Variants in KIF26B observed in about 807,000 individuals in gnomAD.
KIF26B encodes kinesin family member 26B.
Under a neutral mutation model 151.2 loss-of-function variants are expected in KIF26B, and 63 were observed. The ratio of observed to expected loss-of-function variants is 0.42; its 90% confidence interval spans 0.34 to 0.51. The LOEUF is 0.51. KIF26B is among the 20% of genes least tolerant of loss of function. The pLI, the probability that KIF26B is intolerant of heterozygous loss-of-function variation, is 0.07. For synonymous variants in KIF26B, 1,357 were observed against 1,262.1 expected, an observed-to-expected ratio of 1.08 and a Z score of -1.59; for missense variants, 2,813 against 2,913.6, an observed-to-expected ratio of 0.97 and a Z score of 0.79.
intron 5 of KIF26B, among the ~76,000 whole-genome samples, chr1:245,550,552 C>T (rs1302921301): frequency 6.6e-6 from 1 of 152,242 alleles, no homozygotes. Context: ...CCCTGAAAAC[C>T]CACCGGCGCA....
intron 5 of KIF26B, among the ~76,000 whole-genome samples, chr1:245,551,937 C>G (rs1346536947): frequency 2.0e-5 from 3 of 152,146 alleles, no homozygotes; most frequent in Non-Finnish European, 1.5e-5. Context: ...GATGACTGAT[C>G]TGCGTAATTC....
At position 245,273,413 on chromosome 1, in the gene KIF26B, T is replaced by C. The variant is rs560425393; in HGVS notation, c.466-93421T>C. On this transcript the variant is annotated intron_variant, in intron 2 of 14. Coordinates refer to ENST00000407071, the MANE Select transcript of KIF26B (RefSeq NM_018012.4). ...TGCCTGGGGAACAGAGCGAGACTTA[T>C]CTCAAAAAAAAAAAAAAAAAAAAAA... Among the ~76,000 whole-genome samples, 420 of 113,802 alleles carry C rather than the reference T, an allele frequency of 3.7e-3. 3 individuals carry two copies. The highest frequency in any genetic ancestry group is 0.014 in the African/African-American group (395 of 28,168). 74.7% of individuals were successfully genotyped at this position (113,802 alleles called of 152,430 possible).
intron 2 of KIF26B, among the ~76,000 whole-genome samples, chr1:245,287,057 C>T (rs537854071): frequency 3.9e-5 from 6 of 152,004 alleles, no homozygotes; most frequent in Non-Finnish European, 5.9e-5. Flanking sequence ...TGCAGTGAGC[C>T]GAGATCTTGC....
rs945089556 is a variant in KIF26B at position 245,227,958 on chromosome 1, C to T, written c.465+71275C>T. 2.6e-5 allele frequency among the ~76,000 whole-genome samples: 4 copies of T among 152,086 alleles called. No homozygotes were observed. The highest frequency in any genetic ancestry group is 1.9e-4 in the East Asian group (1 of 5,160). ...CGGAGGTTGCAGTGAGCTCAGGTTGCGCCTCTGCACTCCAGCCTGGGCAAC... is the reference window on the plus strand; with the variant it reads ...CGGAGGTTGCAGTGAGCTCAGGTTGTGCCTCTGCACTCCAGCCTGGGCAAC... On this transcript the variant is annotated intron_variant, in intron 2 of 14. Transcript: ENST00000407071. The surrounding 1 kb of genome is among the most constrained non-coding windows in gnomAD (Gnocchi z 4.1).
rs1316393364 is a variant in KIF26B, at chr1:245,698,917, A to G, written c.6058A>G (p.Ile2020Val). 1.2e-6 allele frequency: 2 copies of G among 1,613,986 alleles called. No homozygotes were observed. Among genetic ancestry groups the G allele is most frequent in the Non-Finnish European group, 1.7e-6 (2 of 1,179,882 alleles). Residue 2020 changes from isoleucine to valine, a missense_variant, in exon 14 of 15, where the codon ATT becomes GTT. Transcript: ENST00000407071. This position sits in a 1 kb window ranked among gnomAD's most constrained non-coding sequence, Gnocchi z 4.0. ...EAMCFNAKLK[I>V]LEHRQQRIAE... is the part of the protein sequence containing the mutation. The stretch of plus-strand genomic sequence containing the variant: ...CATGTGCTTCAATGCAAAGCTGAAG[A>G]TTCTGGAACACCGCCAGCAGAGGAT...
chr1:245,558,644 A>G (rs899100174), intron 5 of KIF26B, among the ~76,000 whole-genome samples: 3 of 152,248 alleles, frequency 2.0e-5, no homozygotes, highest in Non-Finnish European at 2.9e-5. Flanking sequence ...GTCTAGCCAC[A>G]GGGATCAGAG....
At chr1:245,434,228 A>G (rs1163464067) in intron 4 of KIF26B, among the ~76,000 whole-genome samples, 1 of 152,214 alleles carries the variant, frequency 6.6e-6, no homozygotes, top group East Asian at 1.9e-4. Flanking sequence ...ACTGGTCTGA[A>G]GTTCTTAGGC....
chr1:245,553,381 G>T (rs996090290), intron 5 of KIF26B, among the ~76,000 whole-genome samples: 1 of 152,158 alleles, frequency 6.6e-6, no homozygotes, highest in Admixed American at 6.5e-5. Context: ...AATGTTCCTG[G>T]CTGGCGTGCT....
chr1:245,313,251 C>T (rs1169942707), intron 2 of KIF26B, among the ~76,000 whole-genome samples: 1 of 152,372 alleles, frequency 6.6e-6, no homozygotes, highest in South Asian at 2.1e-4. Context: ...GTTGTGGCTA[C>T]ACCAGATGTC....
At chr1:245,662,148 T>C (rs1280514324) in intron 10 of KIF26B, among the ~76,000 whole-genome samples, 3 of 150,126 alleles carry the variant, frequency 2.0e-5, no homozygotes, top group South Asian at 4.2e-4. Flanking sequence ...ACACACCCCA[T>C]ATATATATAC....
chr1:245,608,879 G>A (rs2043486545), intron 7 of KIF26B, among the ~76,000 whole-genome samples: 1 of 151,910 alleles, frequency 6.6e-6, no homozygotes, highest in Non-Finnish European at 1.5e-5. Context: ...AGCTTCCCAA[G>A]TAGCTGGGGC....
chr1:245,441,529 T>C (rs1013951743), intron 4 of KIF26B, among the ~76,000 whole-genome samples: 5 of 151,948 alleles, frequency 3.3e-5, no homozygotes, highest in Non-Finnish European at 5.9e-5. Flanking sequence ...CCCCACTATT[T>C]CATCCGCCGG....
At chr1:245,253,579 A>G (rs969991269) in intron 2 of KIF26B, among the ~76,000 whole-genome samples, 7 of 151,624 alleles carry the variant, frequency 4.6e-5, no homozygotes, top group Admixed American at 4.6e-4. Context: ...CTCTTTTTCT[A>G]CTCTCTGAAG....
intron 9 of KIF26B, among the ~76,000 whole-genome samples, chr1:245,618,344 A>G (rs1174643116): frequency 2.0e-5 from 3 of 151,440 alleles, no homozygotes; most frequent in African/African-American, 7.3e-5. Context: ...GCTGTTTGTG[A>G]GCTTGTCCAA....
intron 2 of KIF26B, among the ~76,000 whole-genome samples, chr1:245,173,962 C>T (rs928779979): frequency 3.3e-5 from 5 of 152,162 alleles, no homozygotes; most frequent in East Asian, 1.9e-4. Flanking sequence ...AAGTTTTACA[C>T]GGGCAGGGCA....
In KIF26B at chr1:245,563,337, G is replaced by T. The variant is rs774217081; in HGVS notation, c.1350+22387G>T. Among the ~76,000 whole-genome samples, 8 of 152,106 alleles carry T rather than the reference G, an allele frequency of 5.3e-5. No individual in the cohort carries two copies. The highest frequency in any genetic ancestry group is 1.0e-4 in the Non-Finnish European group (7 of 68,018). On this transcript the variant is annotated intron_variant, in intron 5 of 14. Coordinates refer to ENST00000407071, the MANE Select transcript of KIF26B (RefSeq NM_018012.4). This position sits in a 1 kb window ranked among gnomAD's most constrained non-coding sequence, Gnocchi z 4.6. ...TCTTGTTCCTTCTTATTGCAGTGGG[G>T]GACGTGTCTTTGCCTTCTTTCAAGG...
At chr1:245,561,794 G>C (rs557857951) in intron 5 of KIF26B, among the ~76,000 whole-genome samples, 1 of 152,162 alleles carries the variant, frequency 6.6e-6, no homozygotes, top group South Asian at 2.1e-4. Context: ...TCAATCCTAC[G>C]TCTGTGCACA....
chr1:245,204,093 G>T (rs1451594879), intron 2 of KIF26B, among the ~76,000 whole-genome samples: 1 of 152,186 alleles, frequency 6.6e-6, no homozygotes, highest in Non-Finnish European at 1.5e-5. Context: ...GATGCTGTAG[G>T]TTTACTTCAT....
rs181762186 is a variant in KIF26B, at chr1:245,642,272, C to T, written c.2099-3849C>T. Among the ~76,000 whole-genome samples the T allele has an allele frequency of 1.4e-3, 213 of 152,250 alleles. 1 individual carries two copies. The highest frequency in any genetic ancestry group is 1.2e-3 in the Non-Finnish European group (82 of 68,016). On this transcript the variant is annotated intron_variant, in intron 9 of 14. Transcript: ENST00000407071. ...TGAGACTGGACCCCTTCAGAATCTGCTGTGGGAAGGAGGCTGATGGGCCTT... is the reference window on the plus strand; with the variant it reads ...TGAGACTGGACCCCTTCAGAATCTGTTGTGGGAAGGAGGCTGATGGGCCTT...
Sources: gnomAD v4.1 joint callset for allele counts (sites outside exome capture counted in the v4.1 genomes callset) on GRCh38, gnomAD v4.1.1 for gene constraint, Gnocchi (gnomAD v3.1) non-coding constraint, MANE v1.5 for transcripts, NCBI Gene and HGNC (gene_info 2026-07-23, HGNC 2026-07-21) for gene names.